Variants in ARSJ observed in about 807,000 individuals in gnomAD.
ARSJ encodes arylsulfatase family member J, also known as arylsulfatase J.
A neutral mutation model predicts 35.9 loss-of-function variants in ARSJ; 26 were observed. That is an observed-to-expected ratio of 0.72 (90% confidence interval 0.53 to 1.00). ARSJ has a LOEUF of 1.00. Ranked by LOEUF, ARSJ falls within the 50% of genes least tolerant of loss-of-function variation. ARSJ has a pLI of 0.00. For missense variants in ARSJ, 667 were observed against 723.6 expected, an observed-to-expected ratio of 0.92 and a Z score of 0.90; for synonymous variants, 294 against 267.6, an observed-to-expected ratio of 1.10 and a Z score of -0.96.
At chr4:113,971,389 A>G (rs187885651) in intron 1 of ARSJ, among the ~76,000 whole-genome samples, 197 of 152,284 alleles carry the variant, frequency 1.3e-3, no homozygotes, top group Non-Finnish European at 8.2e-4. Flanking sequence ...GCTATTTCGG[A>G]AACTCAATAG....
chr4:113,914,308 ACT>A (rs982264799), intron 1 of ARSJ, among the ~76,000 whole-genome samples: 7 of 151,914 alleles, frequency 4.6e-5, no homozygotes, highest in African/African-American at 1.5e-4. Context: ...ATGATCTCTC[ACT>A]CTGCTTTACA....
Position 113,902,529 on chromosome 4 carries a change from G to C in ARSJ, c.1545C>G (p.Ile515Met). ...AGAGCCTCCGTAGGAGCTTCTTCAC[G>C]ATTCCTGGATACCTGTTAGATAGGT... The part of the protein sequence containing the change: ...RVDLSNRYPG[I>M]VKKLLRRLSQ... The change falls in exon 2 of 2, where the codon ATC becomes ATG. Residue 515 changes from isoleucine (I) to methionine (M), a missense_variant. Physicochemically the swap from Ile to Met is conservative, Grantham distance 10. Transcript: ENST00000315366. The C allele has an allele frequency of 6.2e-7, 1 of 1,614,134 alleles. No individual in the cohort carries two copies. The highest frequency in any genetic ancestry group is 8.5e-7 in the Non-Finnish European group (1 of 1,180,024).
intron 1 of ARSJ, chr4:113,946,060 G>C (rs1364138688): frequency 6.6e-6 from 1 of 151,476 alleles, no homozygotes; most frequent in African/African-American, 2.4e-5. Flanking sequence ...AAAATAATTT[G>C]CTTTGTGGTT....
In ARSJ at chr4:113,903,034, G is replaced by T; in HGVS notation, c.1040C>A (p.Thr347Lys). 3 of 1,614,094 alleles carry T rather than the reference G, an allele frequency of 1.9e-6. No individual in the cohort carries two copies. Among genetic ancestry groups the T allele is most frequent in the Non-Finnish European group, 1.7e-6 (2 of 1,180,028 alleles). Residue 347 changes from threonine (T) to lysine (K), a missense_variant, in exon 2 of 2, where the codon ACA becomes AAA. Thr to Lys is a moderately conservative substitution (Grantham distance 78, BLOSUM62 -1). Transcript: ENST00000315366. ...SNWPLRGSKGTYWEGGIRAVG... is the reference protein window; with the variant it reads ...SNWPLRGSKGKYWEGGIRAVG... Reference sequence around the variant, plus strand: ...AGCCCGGATCCCTCCTTCCCAATATGTTCCTTTGCTACCTCTGAGAGGCCA... The same window carrying T: ...AGCCCGGATCCCTCCTTCCCAATATTTTCCTTTGCTACCTCTGAGAGGCCA...
intron 1 of ARSJ, among the ~76,000 whole-genome samples, chr4:113,975,333 T>C (rs1437836433): frequency 6.6e-6 from 1 of 152,190 alleles, no homozygotes; most frequent in Non-Finnish European, 1.5e-5. Context: ...AGATACAAAT[T>C]CAATTCAGAT....
intron 1 of ARSJ, among the ~76,000 whole-genome samples, chr4:113,953,169 C>T (rs1212825443): frequency 6.6e-6 from 1 of 152,038 alleles, no homozygotes; most frequent in African/African-American, 2.4e-5. Context: ...GGCATGTACT[C>T]ACTATGCTGA....
chr4:113,910,261 A>G (rs2099670036), intron 1 of ARSJ, among the ~76,000 whole-genome samples: 1 of 152,172 alleles, frequency 6.6e-6, no homozygotes, highest in South Asian at 2.1e-4. Context: ...ATTAATTTGT[A>G]TTACTGGGTG....
At chr4:113,924,064 TAAATATATATAA>T (rs1562345570) in intron 1 of ARSJ, among the ~76,000 whole-genome samples, 6 of 27,060 alleles carry the variant, frequency 2.2e-4, no homozygotes, top group Admixed American at 4.9e-4. Context: ...TAAATATATA[TAAATATATATAA>T]ATATATATAT....
intron 1 of ARSJ, among the ~76,000 whole-genome samples, chr4:113,972,089 G>A (rs1017877343): frequency 5.3e-5 from 8 of 151,788 alleles, no homozygotes; most frequent in African/African-American, 1.5e-4. Context: ...TGGAAGACAC[G>A]TTCCCCTGCC....
At chr4:113,956,585 A>G (rs535349741) in intron 1 of ARSJ, among the ~76,000 whole-genome samples, 1 of 152,240 alleles carries the variant, frequency 6.6e-6, no homozygotes, top group African/African-American at 2.4e-5. Flanking sequence ...GTTTGAATTA[A>G]GAAGGAGAAA....
At chr4:113,926,914 T>C (rs1594426222) in intron 1 of ARSJ, among the ~76,000 whole-genome samples, 1 of 152,222 alleles carries the variant, frequency 6.6e-6, no homozygotes, top group Non-Finnish European at 1.5e-5. Context: ...GATTCACTTA[T>C]GGGAGCCTGC....
intron 1 of ARSJ, among the ~76,000 whole-genome samples, chr4:113,968,233 A>T (rs553819686): frequency 6.6e-6 from 1 of 152,222 alleles, no homozygotes; most frequent in African/African-American, 2.4e-5. Context: ...CTGATGTCAC[A>T]TAAGTTCTTT....
At chr4:113,943,297 T>G (rs1594462788) in intron 1 of ARSJ, 1 of 152,066 alleles carries the variant, frequency 6.6e-6, no homozygotes, top group South Asian at 2.1e-4. Context: ...GCAGGAATCC[T>G]TGCCACACTT....
At position 113,903,659 on chromosome 4, in the gene ARSJ, C is replaced by T. The variant is rs373121922; in HGVS notation, c.415G>A (p.Gly139Arg). The stretch of plus-strand genomic sequence containing the variant: ...GGTCTTATGATAGAATGTTGAAGTC[C>T]GGTGTGTATCTGATACCTTAAGAAA... ...FITGKYQIHT[G>R]LQHSIIRPTQ... The change falls in exon 2 of 2, where the codon GGA becomes AGA. Residue 139 changes from glycine to arginine, a missense_variant. Transcript: ENST00000315366. 28 of 1,610,372 alleles carry T rather than the reference C, an allele frequency of 1.7e-5. No homozygotes were observed. The highest frequency in any genetic ancestry group is 5.4e-5 in the African/African-American group (4 of 74,680).
At chr4:113,954,639 T>A (rs546054281) in intron 1 of ARSJ, among the ~76,000 whole-genome samples, 9 of 152,098 alleles carry the variant, frequency 5.9e-5, no homozygotes, top group Non-Finnish European at 1.3e-4. Flanking sequence ...ATAGTTATTA[T>A]GGCATTTTTT....
intron 1 of ARSJ, among the ~76,000 whole-genome samples, chr4:113,918,623 T>C (rs984443518): frequency 1.3e-5 from 2 of 152,130 alleles, no homozygotes; most frequent in Non-Finnish European, 2.9e-5. Context: ...TATTAATCAA[T>C]GCCAATTTAT....
intron 1 of ARSJ, among the ~76,000 whole-genome samples, chr4:113,974,296 T>TA (rs1005610558): frequency 1.4e-4 from 21 of 150,808 alleles, no homozygotes; most frequent in South Asian, 6.3e-4. Flanking sequence ...CTCCCGTTAA[T>TA]AAAAAAAATG....
chr4:113,903,280 T>C lies in ARSJ; in HGVS notation c.794A>G (p.Tyr265Cys), dbSNP rs766987490. The C allele has an allele frequency of 3.7e-6, 6 of 1,614,048 alleles. No homozygotes were observed. Among genetic ancestry groups the C allele is most frequent in the Non-Finnish European group, 5.1e-6 (6 of 1,180,040 alleles). Residue 265 changes from tyrosine to cysteine, a missense_variant, in exon 2 of 2, where the codon TAT (tyrosine) becomes TGT (cysteine). By Grantham distance (194) the Tyr-to-Cys change is radical. Coordinates refer to ENST00000315366, the MANE Select transcript of ARSJ (RefSeq NM_024590.4). ...TTGCAGTGGTGAATGAACAGCTTGA[T>C]AGGCAATATATAAAAATATAGGCTT... is the stretch of plus-strand genomic sequence containing the variant. Reference protein sequence around the residue: ...PTKPIFLYIAYQAVHSPLQAP... With the variant: ...PTKPIFLYIACQAVHSPLQAP...
At chr4:113,906,412 C>T (rs542331914) in intron 1 of ARSJ, among the ~76,000 whole-genome samples, 6 of 152,218 alleles carry the variant, frequency 3.9e-5, no homozygotes, top group East Asian at 1.9e-4. Context: ...AATGGTGTAG[C>T]GTCTGCAGAT....
Sources: allele counts gnomAD v4.1 joint callset (sites outside exome capture counted in the v4.1 genomes callset), GRCh38; gene constraint gnomAD v4.1.1; transcripts MANE v1.5; gene names NCBI Gene and HGNC (gene_info 2026-07-23, HGNC 2026-07-21).